CFAP418: variants seen among roughly 807,000 people sequenced by gnomAD.
CFAP418 encodes cilia- and flagella-associated protein 418.
In CFAP418, 27 loss-of-function variants were observed where a neutral mutation model predicts 24.7. The ratio of observed to expected loss-of-function variants is 1.09; its 90% CI spans 0.81 to 1.51. CFAP418 has a LOEUF of 1.51. Among genes scored for constraint, CFAP418 ranks in the 40% most tolerant of loss-of-function variants. The probability of loss-of-function intolerance (pLI) is 0.00; values close to 1 mark genes in which losing one functional copy is unlikely to be tolerated. For synonymous variants in CFAP418, 74 were observed against 87.3 expected (o/e 0.85, Z 0.85); for missense variants, 257 against 255.2 (o/e 1.01, Z -0.05).
At chr8:95,264,751 TC>T (rs1811947548) in intron 1 of CFAP418, among the ~76,000 whole-genome samples, 1 of 152,332 alleles carries the variant, frequency 6.6e-6, no homozygotes, top group East Asian at 1.9e-4. Context: ...CTTCATTACA[TC>T]TTGGAGTAAA....
Position 95,267,402 on chromosome 8 carries a change from C to T in CFAP418, c.155+1633G>A, listed in dbSNP as rs368707761. On this transcript the variant is annotated intron_variant, in intron 1 of 5. Coordinates refer to ENST00000286688, the MANE Select transcript of CFAP418 (RefSeq NM_177965.4). ...GGATCACGAGGTCAGGAGATCGAGA[C>T]CATCCTGGCTAACACGGTGAAACCC... Among the ~76,000 whole-genome samples, 21 of 152,236 alleles carry T rather than the reference C, an allele frequency of 1.4e-4. No individual in the cohort carries two copies. In the East Asian group the frequency reaches 4.0e-3, roughly 29 times the overall value.
intron 5 of CFAP418, among the ~76,000 whole-genome samples, chr8:95,250,990 T>G (rs1484135101): frequency 6.6e-6 from 1 of 152,248 alleles, no homozygotes; most frequent in African/African-American, 2.4e-5. Flanking sequence ...GCTGCAATAT[T>G]ACACTGTATT....
intron 3 of CFAP418, 141 bp from the exon 4 acceptor site, chr8:95,260,046 C>T: frequency 1.6e-6 from 1 of 625,766 alleles, no homozygotes; most frequent in Non-Finnish European, 2.8e-6. Context: ...AGCAAGCCAA[C>T]CATTTCAAAG....
chr8:95,268,159 AAACT>A (rs1486551880), intron 1 of CFAP418, among the ~76,000 whole-genome samples: 2 of 152,194 alleles, frequency 1.3e-5, no homozygotes, highest in Non-Finnish European at 2.9e-5. Flanking sequence ...AAAATAAAAC[AAACT>A]GAGTCAGGTG....
At chr8:95,257,963 G>A (rs896772295) in intron 4 of CFAP418, among the ~76,000 whole-genome samples, 3 of 152,064 alleles carry the variant, frequency 2.0e-5, no homozygotes, top group East Asian at 1.9e-4. Context: ...TTGTACCCCC[G>A]CAACAAAGAC....
At chr8:95,251,011 T>C (rs1346989708) in intron 5 of CFAP418, among the ~76,000 whole-genome samples, 7 of 152,270 alleles carry the variant, frequency 4.6e-5, no homozygotes, top group African/African-American at 1.4e-4. Flanking sequence ...AATTTTTAGC[T>C]TTAAATTTTT....
At chr8:95,255,078 A>G (rs1460606893) in intron 4 of CFAP418, among the ~76,000 whole-genome samples, 1 of 152,186 alleles carries the variant, frequency 6.6e-6, no homozygotes, top group East Asian at 1.9e-4. Context: ...CCCATTGACT[A>G]GTCTTCCTGT....
chr8:95,264,689 ACT>A (rs1811946168), intron 1 of CFAP418, among the ~76,000 whole-genome samples: 3 of 152,120 alleles, frequency 2.0e-5, no homozygotes, highest in Admixed American at 2.0e-4. Context: ...TTTTAGTCAA[ACT>A]CTCTAATTTC....
At chr8:95,258,536 T>A (rs1408308231) in intron 4 of CFAP418, among the ~76,000 whole-genome samples, 2 of 152,078 alleles carry the variant, frequency 1.3e-5, no homozygotes, top group African/African-American at 4.8e-5. Context: ...TAAAAAAATT[T>A]ATAAATGAAG....
chr8:95,251,322 G>T (rs1811703903), intron 5 of CFAP418, among the ~76,000 whole-genome samples: 1 of 152,222 alleles, frequency 6.6e-6, no homozygotes. Context: ...AGGACAGGTA[G>T]GGTTTAGGTA....
At chr8:95,268,593 G>A (rs537999419) in intron 1 of CFAP418, among the ~76,000 whole-genome samples, 1 of 152,002 alleles carries the variant, frequency 6.6e-6, no homozygotes, top group East Asian at 1.9e-4. Flanking sequence ...GATGAGAACC[G>A]CTTGGCCACA....
chr8:95,265,987 A>T (rs189588094), intron 1 of CFAP418, among the ~76,000 whole-genome samples: 3 of 152,214 alleles, frequency 2.0e-5, no homozygotes, highest in African/African-American at 7.2e-5. Context: ...CATATATTTA[A>T]GATAAAATAT....
intron 4 of CFAP418, among the ~76,000 whole-genome samples, chr8:95,254,761 C>G (rs1811761204): frequency 6.6e-6 from 1 of 152,164 alleles, no homozygotes; most frequent in Non-Finnish European, 1.5e-5. Flanking sequence ...GTTCCAACAG[C>G]AACATCAGCT....
intron 4 of CFAP418, among the ~76,000 whole-genome samples, chr8:95,253,879 T>A (rs2132156658): frequency 6.6e-6 from 1 of 152,368 alleles, no homozygotes; most frequent in African/African-American, 2.4e-5. Context: ...CCTTAATACA[T>A]ATGTGCAATT....
intron 5 of CFAP418, 31 bp downstream of exon 5, chr8:95,252,155 CTT>C (rs775051021): frequency 7.0e-5 from 106 of 1,519,828 alleles, no homozygotes; most frequent in Non-Finnish European, 1.5e-5. Flanking sequence ...CTACTTGGTA[CTT>C]TTTTCAGAGT....
chr8:95,256,511 A>G (rs1811793583), intron 4 of CFAP418, among the ~76,000 whole-genome samples: 1 of 152,228 alleles, frequency 6.6e-6, no homozygotes, highest in South Asian at 2.1e-4. Context: ...AACAGGTTTT[A>G]GAAGATAACA....
intron 4 of CFAP418, among the ~76,000 whole-genome samples, chr8:95,258,226 C>G (rs1468442975): frequency 6.6e-6 from 1 of 151,342 alleles, no homozygotes; most frequent in East Asian, 1.9e-4. Context: ...ACTAAAAATA[C>G]AAAAAATTAG....
intron 2 of CFAP418, among the ~76,000 whole-genome samples, chr8:95,261,597 T>C (rs1333338527): frequency 6.6e-6 from 1 of 152,210 alleles, no homozygotes; most frequent in Non-Finnish European, 1.5e-5. Context: ...TTTATCTATG[T>C]TTCTTTTGTT....
At chr8:95,263,799 A>C in intron 1 of CFAP418, 25 bp from the exon 2 acceptor site, 1 of 1,414,710 alleles carries the variant, frequency 7.1e-7, no homozygotes, top group Non-Finnish European at 1.0e-6. Flanking sequence ...TACACAAAGA[A>C]AACTTACCTG....
Sources: gnomAD v4.1 joint callset for allele counts (sites outside exome capture counted in the v4.1 genomes callset) on GRCh38, gnomAD v4.1.1 for gene constraint, MANE v1.5 for transcripts, NCBI Gene and HGNC (gene_info 2026-07-23, HGNC 2026-07-21) for gene names.